The following SIRT4 variants were observed in gnomAD, a reference collection of about 807,000 sequenced individuals.
SIRT4 encodes the protein sirtuin 4, also known as NAD-dependent protein lipoamidase sirtuin-4, mitochondrial.
In SIRT4, 23 loss-of-function variants were observed where a neutral mutation model predicts 26.1. The observed-to-expected ratio is 0.88, with a 90% CI of 0.63 to 1.25. SIRT4 has a LOEUF of 1.25. Among genes scored for constraint, SIRT4 ranks in the 50% most tolerant of loss-of-function variants. SIRT4 has a pLI of 0.00. For synonymous variants in SIRT4, 155 were observed against 158.4 expected, an observed-to-expected ratio of 0.98 and a Z score of 0.16; for missense variants, 361 against 405.4, an observed-to-expected ratio of 0.89 and a Z score of 0.94.
the SIRT4 span, chr12:120,293,131 A>C: frequency 1.3e-5 from 2 of 152,192 alleles, no homozygotes; most frequent in Non-Finnish European, 2.9e-5. Flanking sequence ...GCCAGTGCCG[A>C]CTATATTGCA....
the SIRT4 span, among the ~76,000 whole-genome samples, chr12:120,295,395 T>C: frequency 7.0e-6 from 1 of 143,632 alleles, no homozygotes; most frequent in African/African-American, 2.5e-5. Context: ...TATATATATA[T>C]ATGTATAAAT....
the SIRT4 span, among the ~76,000 whole-genome samples, chr12:120,296,376 GC>G: frequency 6.6e-6 from 1 of 150,600 alleles, no homozygotes; most frequent in Non-Finnish European, 1.5e-5. Flanking sequence ...CGCCACCACG[GC>G]CGGCTAATTT....
At chr12:120,302,554 T>C (rs569898335) in intron 1 of SIRT4, among the ~76,000 whole-genome samples, 176 bp downstream of exon 1, 1 of 152,090 alleles carries the variant, frequency 6.6e-6, no homozygotes, top group African/African-American at 2.4e-5. Context: ...GACTGTGTGT[T>C]TGTTCAGCTG....
At chr12:120,298,641 G>A (rs2136821298), upstream of SIRT4, among the ~76,000 whole-genome samples, 1 of 152,046 alleles carries the variant, frequency 6.6e-6, no homozygotes, top group East Asian at 1.9e-4. Flanking sequence ...GGGCGCAGTG[G>A]CTCATGCCTG....
rs201019576 is a variant in SIRT4, at chr12:120,303,677, T to C, written c.116T>C (p.Leu39Pro). Reference sequence around the variant, plus strand: ...TTATTTGTGCCAGCAAGTCCTCCTCTGGACCCTGAGAAGGTCAAAGAGTTA... The same window carrying C: ...TTATTTGTGCCAGCAAGTCCTCCTCCGGACCCTGAGAAGGTCAAAGAGTTA... Reference protein sequence around the residue: ...IGLFVPASPPLDPEKVKELQR... With the variant: ...IGLFVPASPPPDPEKVKELQR... Residue 39 changes from leucine (L) to proline (P), a missense_variant, in exon 2 of 4, where the codon CTG (leucine) becomes CCG (proline). Leu to Pro is a moderately conservative substitution (Grantham distance 98). Coordinates refer to ENST00000202967, the MANE Select transcript of SIRT4 (RefSeq NM_012240.3). 6.2e-7 allele frequency: 1 copy of C among 1,614,194 alleles called. No homozygotes were observed. The highest frequency in any genetic ancestry group is 2.2e-5 in the East Asian group (1 of 44,892).
At chr12:120,304,840 T>A (rs1294038935) in intron 2 of SIRT4, among the ~76,000 whole-genome samples, 428 of 4,758 alleles carry the variant, frequency 0.09, no homozygotes, top group African/African-American at 0.19. Flanking sequence ...TATATATTTT[T>A]TTTTTTTTTT....
chr12:120,296,623 T>A, the SIRT4 span, among the ~76,000 whole-genome samples: 3 of 148,662 alleles, frequency 2.0e-5, no homozygotes, highest in African/African-American at 7.4e-5. Context: ...TCTTCCCACC[T>A]CAGCCTCCCA....
chr12:120,303,546 CTTCT>C lies in SIRT4; in HGVS notation c.-1-12_-1-9del, dbSNP rs1872620590. The C allele has an allele frequency of 6.4e-7, 1 of 1,562,446 alleles. No individual in the cohort carries two copies. Among genetic ancestry groups the C allele is most frequent in the African/African-American group, 1.4e-5 (1 of 71,976 alleles). On this transcript the variant is annotated splice_polypyrimidine_tract_variant and intron_variant, in intron 1 of 3. Transcript: ENST00000202967. ...AACCACCCCAGTTTCTCACATGAGGCTTCTTTTTCTCTAGAATGAAGATGAGCTT... is the reference window on the plus strand; with the variant it reads ...AACCACCCCAGTTTCTCACATGAGGCTTTTCTCTAGAATGAAGATGAGCTT...
chr12:120,302,720 C>CT (rs901345647), intron 1 of SIRT4, among the ~76,000 whole-genome samples: 2,676 of 136,802 alleles, frequency 0.02, 73 homozygotes, highest in African/African-American at 0.055. Context: ...TTTTCTTTTT[C>CT]TTTTTTTTTT....
chr12:120,292,994 C>T, the SIRT4 span: 9 of 152,184 alleles, frequency 5.9e-5, no homozygotes, highest in Non-Finnish European at 2.9e-5. Context: ...TTCCCCATCT[C>T]TCATTTAGAG....
intron 2 of SIRT4, among the ~76,000 whole-genome samples, chr12:120,310,345 G>A (rs1400321376): frequency 2.6e-5 from 4 of 151,886 alleles, no homozygotes; most frequent in East Asian, 1.9e-4. Flanking sequence ...CAGCCTGGGC[G>A]ACAGAGCAAG....
At chr12:120,292,865 C>G in the SIRT4 span, among the ~76,000 whole-genome samples, 1,058 of 152,318 alleles carry the variant, frequency 6.9e-3, 17 homozygotes, top group African/African-American at 0.025. Flanking sequence ...AAAGTCAACA[C>G]CGCCCTGCTT....
chr12:120,306,717 C>T (rs568170778), intron 2 of SIRT4, among the ~76,000 whole-genome samples: 2 of 150,904 alleles, frequency 1.3e-5, no homozygotes. Context: ...GCACGAGAGT[C>T]GCCTGAACCT....
At chr12:120,305,096 GTGAGCTGAGATCA>G (rs1242188728) in intron 2 of SIRT4, among the ~76,000 whole-genome samples, 1 of 151,404 alleles carries the variant, frequency 6.6e-6, no homozygotes, top group Non-Finnish European at 1.5e-5. Flanking sequence ...AGAGGTTGCA[GTGAGCTGAGATCA>G]TGAGCTGAGA....
intron 2 of SIRT4, 102 bp downstream of exon 2, chr12:120,304,160 G>A: frequency 1.4e-6 from 2 of 1,409,758 alleles, no homozygotes; most frequent in Non-Finnish European, 1.9e-6. Flanking sequence ...CTTGAGAAAA[G>A]GATTTCAGAG....
chr12:120,301,009 C>T (rs1872520499), upstream of SIRT4, among the ~76,000 whole-genome samples: 1 of 152,110 alleles, frequency 6.6e-6, no homozygotes, highest in South Asian at 2.1e-4. Context: ...AGGTTAAGTA[C>T]ATTAGTCCAG....
At chr12:120,302,043 A>C (rs1261079915), upstream of SIRT4, among the ~76,000 whole-genome samples, 9 of 151,798 alleles carry the variant, frequency 5.9e-5, no homozygotes, top group East Asian at 1.9e-4. Flanking sequence ...CAAAAAAAAA[A>C]AACAACAACT....
rs1223380527 is a variant in SIRT4 at position 120,310,981 on chromosome 12, C to T, written c.498-1475C>T. 6.1e-5 allele frequency among the ~76,000 whole-genome samples: 9 copies of T among 147,848 alleles called. No homozygotes were observed. In the South Asian group the frequency reaches 6.5e-4, roughly 11 times the overall value. The stretch of plus-strand genomic sequence containing the variant: ...CGATCTCCTGACCTCGTGATCCGCC[C>T]GCCTCGGCCTCCCAAAGTGTTGGGA... On this transcript the variant is annotated intron_variant, in intron 2 of 3. Transcript: ENST00000202967.
chr12:120,291,930 C>T, the SIRT4 span: 3 of 152,106 alleles, frequency 2.0e-5, no homozygotes, highest in Non-Finnish European at 4.4e-5. Context: ...CGCCCCGCTC[C>T]CCCACGGATG....
Sources: allele counts gnomAD v4.1 joint callset (sites outside exome capture counted in the v4.1 genomes callset), GRCh38; gene constraint gnomAD v4.1.1; transcripts MANE v1.5; gene names NCBI Gene and HGNC (gene_info 2026-07-23, HGNC 2026-07-21).